The following NEGR1 variants were observed in gnomAD, a reference collection of about 807,000 sequenced individuals.
NEGR1 encodes IgLON family member 4.
Under a neutral mutation model 40.9 loss-of-function variants are expected in NEGR1, and 10 were observed. That is an observed-to-expected ratio of 0.24 (90% CI 0.15 to 0.42). The LOEUF (loss-of-function observed/expected upper bound fraction) is 0.42. Among genes scored for constraint, NEGR1 ranks in the 10% least tolerant of loss-of-function variants. The pLI is 1.00. For missense variants in NEGR1, 352 were observed against 438.9 expected, an observed-to-expected ratio of 0.80 and a Z score of 1.77; for synonymous variants, 185 against 166.8, an observed-to-expected ratio of 1.11 and a Z score of -0.84.
intron 1 of NEGR1, among the ~76,000 whole-genome samples, chr1:72,071,902 G>A (rs115792319): frequency 1.5e-3 from 221 of 152,178 alleles, no homozygotes; most frequent in African/African-American, 5.1e-3. Context: ...TGAAACAAAT[G>A]TAAACATTGT....
At chr1:72,204,313 C>A (rs1004759791) in intron 1 of NEGR1, among the ~76,000 whole-genome samples, 6 of 152,044 alleles carry the variant, frequency 3.9e-5, no homozygotes, top group Admixed American at 3.3e-4. Context: ...ATATCCATTT[C>A]CTCCTTCCTC....
rs562218052 is a variant in NEGR1, at chr1:71,438,915, T to A, written c.941-31345A>T. Among the ~76,000 whole-genome samples, 7 of 152,294 alleles carry A rather than the reference T, an allele frequency of 4.6e-5. 1 individual carries two copies. In the South Asian group the frequency reaches 1.5e-3, roughly 32 times the overall value. ...GTACACTCACAGGAGGAGCAAGCTA[T>A]ACTGGCCAGAGGCACATGTGGACAG... On this transcript the variant is annotated intron_variant, in intron 6 of 6. Transcript: ENST00000357731.
At chr1:71,524,519 A>G (rs541405398) in intron 6 of NEGR1, among the ~76,000 whole-genome samples, 1 of 151,736 alleles carries the variant, frequency 6.6e-6, no homozygotes, top group Non-Finnish European at 1.5e-5. Context: ...AACAAAATTC[A>G]TTACCTGAAT....
chr1:71,786,423 G>A (rs2101729968), intron 2 of NEGR1, among the ~76,000 whole-genome samples: 1 of 152,286 alleles, frequency 6.6e-6, no homozygotes, highest in East Asian at 1.9e-4. Context: ...TCAACACTGT[G>A]CTCTAGAAAG....
chr1:71,410,501 G>A (rs1646312618), intron 6 of NEGR1, among the ~76,000 whole-genome samples: 1 of 152,086 alleles, frequency 6.6e-6, no homozygotes, highest in Non-Finnish European at 1.5e-5. Context: ...CAGAACATTA[G>A]GGTATATGGA....
chr1:72,169,734 C>G (rs758599191), intron 1 of NEGR1, among the ~76,000 whole-genome samples: 1 of 152,128 alleles, frequency 6.6e-6, no homozygotes, highest in Non-Finnish European at 1.5e-5. Context: ...TTCCTTCTGA[C>G]CCACTGTTTT....
intron 4 of NEGR1, among the ~76,000 whole-genome samples, chr1:71,658,461 A>G (rs2101588361): frequency 6.6e-6 from 1 of 152,270 alleles, no homozygotes; most frequent in Admixed American, 6.5e-5. Context: ...AGTCTGTGCC[A>G]GAATTATTTG....
At chr1:71,935,555 G>C (rs1054377712) in intron 1 of NEGR1, among the ~76,000 whole-genome samples, 2 of 151,610 alleles carry the variant, frequency 1.3e-5, no homozygotes, top group Non-Finnish European at 2.9e-5. Context: ...GTGCATGTTC[G>C]TGTGTGTGTG....
At chr1:72,230,243 G>C (rs1332014703) in intron 1 of NEGR1, among the ~76,000 whole-genome samples, 1 of 152,112 alleles carries the variant, frequency 6.6e-6, no homozygotes, top group African/African-American at 2.4e-5. Context: ...ACTTAAGTTA[G>C]TACATTCTCC....
At chr1:72,203,015 A>C (rs931513035) in intron 1 of NEGR1, among the ~76,000 whole-genome samples, 5 of 152,054 alleles carry the variant, frequency 3.3e-5, no homozygotes, top group African/African-American at 9.7e-5. Context: ...CAATACACTT[A>C]GTCACCCCAG....
intron 1 of NEGR1, among the ~76,000 whole-genome samples, chr1:72,021,286 C>T (rs993111564): frequency 6.6e-6 from 1 of 152,020 alleles, no homozygotes; most frequent in Non-Finnish European, 1.5e-5. Context: ...ATATATTTAA[C>T]TTAGGAAAAA....
intron 1 of NEGR1, among the ~76,000 whole-genome samples, chr1:72,093,676 C>A (rs575146749): frequency 1.3e-5 from 2 of 152,016 alleles, no homozygotes; most frequent in South Asian, 2.1e-4. Context: ...GAAATATGTT[C>A]AAAAAATAGT....
At chr1:72,051,820 T>C (rs146045271) in intron 1 of NEGR1, among the ~76,000 whole-genome samples, 19 of 151,516 alleles carry the variant, frequency 1.3e-4, no homozygotes, top group African/African-American at 4.6e-4. Context: ...GTCCCGAAAG[T>C]TGTCAACTTT....
intron 3 of NEGR1, among the ~76,000 whole-genome samples, chr1:71,721,409 C>T (rs1171760153): frequency 6.6e-6 from 1 of 152,102 alleles, no homozygotes; most frequent in East Asian, 1.9e-4. Flanking sequence ...TCTGTGTAGT[C>T]ATTACTTTAA....
intron 1 of NEGR1, among the ~76,000 whole-genome samples, chr1:72,090,353 TTC>T (rs1384719828): frequency 2.1e-5 from 3 of 143,042 alleles, no homozygotes; most frequent in Non-Finnish European, 3.0e-5. Context: ...TATAAAATAA[TTC>T]TTTTTTTCTT....
In NEGR1 at chr1:71,918,216, C is replaced by CAAAAA. The variant is rs1159908343; in HGVS notation, c.409+16858_409+16862dup. ...TGGGCGACAGAACGAGACTCTGTCT[C>CAAAAA]AAAAAAAAAAAAAAAAAAAAAAAAA... is the stretch of plus-strand genomic sequence containing the variant. On this transcript the variant is annotated intron_variant, in intron 2 of 6. Coordinates refer to ENST00000357731, the MANE Select transcript of NEGR1 (RefSeq NM_173808.3). Among the ~76,000 whole-genome samples, 112 of 24,748 alleles carry CAAAAA rather than the reference C, an allele frequency of 4.5e-3. 14 individuals carry two copies. Among genetic ancestry groups the CAAAAA allele is most frequent in the African/African-American group, 5.9e-3 (35 of 5,956 alleles). The allele number at this position is 24,748 out of a possible 152,430, so 16.2% of individuals were successfully genotyped here. A position where few individuals can be genotyped will look rare whatever the true frequency, so the allele number is the denominator to read the frequency against.
chr1:71,559,137 T>C (rs1267579500), intron 6 of NEGR1, among the ~76,000 whole-genome samples: 1 of 150,160 alleles, frequency 6.7e-6, no homozygotes, highest in East Asian at 2.0e-4. Context: ...ACCTTTATGG[T>C]TCATTCTAGC....
intron 3 of NEGR1, among the ~76,000 whole-genome samples, chr1:71,746,377 C>T (rs751790237): frequency 2.6e-5 from 4 of 152,142 alleles, no homozygotes; most frequent in Admixed American, 6.5e-5. Flanking sequence ...ATTTCTAACA[C>T]GGGATAGCAA....
chr1:71,457,142 C>T (rs1247686938), intron 6 of NEGR1, among the ~76,000 whole-genome samples: 1 of 152,168 alleles, frequency 6.6e-6, no homozygotes, highest in Non-Finnish European at 1.5e-5. Context: ...CATCTCACTT[C>T]TACCCTTTGT....
Sources: gnomAD v4.1 joint callset for allele counts (sites outside exome capture counted in the v4.1 genomes callset) on GRCh38, gnomAD v4.1.1 for gene constraint, MANE v1.5 for transcripts, NCBI Gene and HGNC (gene_info 2026-07-23, HGNC 2026-07-21) for gene names.